The following GRIK2 variants were observed in gnomAD, a reference collection of about 807,000 sequenced individuals.
GRIK2 encodes glutamate ionotropic receptor kainate type subunit 2.
In GRIK2, 32 loss-of-function variants were observed where a neutral mutation model predicts 100.3. The ratio of observed to expected loss-of-function variants is 0.32; its 90% confidence interval spans 0.24 to 0.43. GRIK2 has a LOEUF of 0.43. Ranked by LOEUF, GRIK2 falls within the 20% of genes least tolerant of loss-of-function variation. The pLI is 1.00. For missense variants in GRIK2, 843 were observed against 1,114.9 expected, an observed-to-expected ratio of 0.76 and a Z score of 3.47; for synonymous variants, 417 against 389.4, an observed-to-expected ratio of 1.07 and a Z score of -0.83.
At chr6:101,525,142 A>G (rs1414831152) in intron 2 of GRIK2, among the ~76,000 whole-genome samples, 1 of 152,228 alleles carries the variant, frequency 6.6e-6, no homozygotes, top group Non-Finnish European at 1.5e-5. Flanking sequence ...AACTGAAGTG[A>G]TATAGTTTGA....
At chr6:101,742,980 T>C (rs931694410) in intron 7 of GRIK2, among the ~76,000 whole-genome samples, 1 of 152,182 alleles carries the variant, frequency 6.6e-6, no homozygotes, top group Admixed American at 6.5e-5. Context: ...ATTTTATTTT[T>C]GGTTTAGAGA....
chr6:101,973,852 T>G (rs1328723217), intron 14 of GRIK2, among the ~76,000 whole-genome samples: 2 of 151,962 alleles, frequency 1.3e-5, no homozygotes, highest in Non-Finnish European at 2.9e-5. Context: ...CACATCTGAT[T>G]GCAGTGAATC....
intron 11 of GRIK2, among the ~76,000 whole-genome samples, chr6:101,876,185 C>A (rs1785826701): frequency 6.6e-6 from 1 of 151,734 alleles, no homozygotes; most frequent in Non-Finnish European, 1.5e-5. Flanking sequence ...TAGTTTGAAA[C>A]ACGAAATTGT....
At chr6:101,836,867 TA>T (rs1333548768) in intron 10 of GRIK2, among the ~76,000 whole-genome samples, 20 of 151,606 alleles carry the variant, frequency 1.3e-4, no homozygotes, top group Non-Finnish European at 2.4e-4. Flanking sequence ...GGTTTCACCA[TA>T]TTGGCCAGGC....
At chr6:101,674,426 T>C (rs1770674131) in intron 4 of GRIK2, among the ~76,000 whole-genome samples, 1 of 152,212 alleles carries the variant, frequency 6.6e-6, no homozygotes, top group African/African-American at 2.4e-5. Context: ...AGTTACCTTG[T>C]AAAATGTACT....
chr6:101,757,132 A>G (rs1356819023), intron 7 of GRIK2, among the ~76,000 whole-genome samples: 1 of 152,116 alleles, frequency 6.6e-6, no homozygotes, highest in Non-Finnish European at 1.5e-5. Context: ...CCTCTCATTG[A>G]TATTATATTA....
chr6:101,481,897 C>T (rs757040432), intron 2 of GRIK2, among the ~76,000 whole-genome samples: 9 of 152,052 alleles, frequency 5.9e-5, no homozygotes, highest in African/African-American at 1.9e-4. Flanking sequence ...TGAGTTCTCA[C>T]GAGATCTGAT....
intron 14 of GRIK2, among the ~76,000 whole-genome samples, chr6:102,020,975 TATAAA>T (rs930130207): frequency 6.6e-6 from 1 of 151,804 alleles, no homozygotes; most frequent in Non-Finnish European, 1.5e-5. Flanking sequence ...AGAATATTCA[TATAAA>T]AAGAAGTTGT....
chr6:102,051,169 C>T (rs920753794), intron 15 of GRIK2, among the ~76,000 whole-genome samples: 4 of 152,000 alleles, frequency 2.6e-5, no homozygotes, highest in Non-Finnish European at 5.9e-5. Flanking sequence ...TCATTTGGAG[C>T]ATCAGGTCTT....
chr6:101,928,131 A>G (rs1429174979), intron 13 of GRIK2: 1 of 349,710 alleles, frequency 2.9e-6, no homozygotes, highest in East Asian at 5.2e-5. Flanking sequence ...ATTTTTATTA[A>G]AAATGTTTAC....
intron 2 of GRIK2, among the ~76,000 whole-genome samples, chr6:101,493,150 A>G (rs1562177073): frequency 6.6e-6 from 1 of 152,006 alleles, no homozygotes; most frequent in African/African-American, 2.4e-5. Context: ...GAATAAGAAG[A>G]CATAATATAC....
chr6:101,400,649 G>A (rs1775250864), intron 2 of GRIK2, among the ~76,000 whole-genome samples: 2 of 152,128 alleles, frequency 1.3e-5, no homozygotes, highest in Non-Finnish European at 2.9e-5. Context: ...AGCATCTCCT[G>A]TCTTTCCATT....
At chr6:101,734,028 C>G (rs148727316) in intron 7 of GRIK2, among the ~76,000 whole-genome samples, 223 of 152,052 alleles carry the variant, frequency 1.5e-3, no homozygotes, top group African/African-American at 4.2e-3. Context: ...TAATTAATGC[C>G]CATATTTTTA....
At chr6:101,604,792 T>A (rs811643) in intron 2 of GRIK2, among the ~76,000 whole-genome samples, 57,045 of 151,818 alleles carry the variant, frequency 0.38, 11,625 homozygotes, top group African/African-American at 0.54. Flanking sequence ...TGATATCTTA[T>A]TTTCTTCGTA....
chr6:102,063,891 A>C (rs1379313150), intron 16 of GRIK2: 34 of 688,660 alleles, frequency 4.9e-5, no homozygotes, highest in Non-Finnish European at 2.9e-5. Flanking sequence ...AATGAATTTT[A>C]TTAAGAGTTT....
intron 2 of GRIK2, among the ~76,000 whole-genome samples, chr6:101,399,921 T>C (rs572842170): frequency 1.3e-5 from 2 of 152,366 alleles, no homozygotes; most frequent in African/African-American, 4.8e-5. Flanking sequence ...TTCGATTGTT[T>C]TCACCGCTTT....
At chr6:102,046,777 A>G (rs1466938893) in intron 15 of GRIK2, among the ~76,000 whole-genome samples, 1 of 152,168 alleles carries the variant, frequency 6.6e-6, no homozygotes. Flanking sequence ...TCAACTGTCC[A>G]TGTAACATTC....
chr6:101,688,071 ATATT>A (rs1408198663), intron 7 of GRIK2, among the ~76,000 whole-genome samples: 4 of 147,014 alleles, frequency 2.7e-5, no homozygotes, highest in East Asian at 3.9e-4. Flanking sequence ...ATATATAAAA[ATATT>A]TATTATATAA....
At chr6:101,987,667 TTTAA>T (rs1794093700) in intron 14 of GRIK2, among the ~76,000 whole-genome samples, 1 of 150,328 alleles carries the variant, frequency 6.7e-6, no homozygotes, top group African/African-American at 2.4e-5. Flanking sequence ...TATAGTTATA[TTTAA>T]TTATATTAAT....
Sources: gnomAD v4.1 joint callset for allele counts (sites outside exome capture counted in the v4.1 genomes callset) on GRCh38, gnomAD v4.1.1 for gene constraint, MANE v1.5 for transcripts, NCBI Gene and HGNC (gene_info 2026-07-23, HGNC 2026-07-21) for gene names.